The following NSMAF variants were observed in gnomAD, a reference collection of about 807,000 sequenced individuals.
The protein encoded by NSMAF is protein FAN.
In NSMAF, 90 loss-of-function variants were observed where a neutral mutation model predicts 134.9. That is an observed-to-expected ratio of 0.67 (90% confidence interval 0.56 to 0.79). The LOEUF (loss-of-function observed/expected upper bound fraction) is 0.79, where lower values mean the gene tolerates loss of function less well. Among genes scored for constraint, NSMAF ranks in the 30% least tolerant of loss-of-function variants. The pLI, the probability that NSMAF is intolerant of heterozygous loss-of-function variation, is 0.00. For missense variants in NSMAF, 1,010 were observed against 1,119.0 expected (o/e 0.90, Z 1.39); for synonymous variants, 358 against 389.6 (o/e 0.92, Z 0.96).
At position 58,640,710 on chromosome 8, in the gene NSMAF, G is replaced by A. The variant is rs560968894; in HGVS notation, c.149+2274C>T. Among the ~76,000 whole-genome samples the A allele has an allele frequency of 4.6e-5, 7 of 151,870 alleles. No individual in the cohort carries two copies. In the East Asian group the frequency reaches 1.2e-3, roughly 25 times the overall value. On this transcript the variant is annotated intron_variant, in intron 2 of 30. Transcript: ENST00000038176. ...TTATAATTAAATTCATTTGTTTCTT[G>A]TCTTTTCTTTTTTTAATATATAATT...
rs1346751320 is a variant in NSMAF at position 58,597,419 on chromosome 8, G to C, written c.1760C>G (p.Ser587Cys). Residue 587 changes from serine to cysteine, a missense_variant, in exon 21 of 31, where the codon TCC becomes TGC. Physicochemically the swap from Ser to Cys is moderately radical, Grantham distance 112 (BLOSUM62 -1). Coordinates refer to ENST00000038176, the MANE Select transcript of NSMAF (RefSeq NM_003580.4). ...ATCTGCCATAGAAGCATTATAACTG[G>C]AGGTCTGGGACAAACTTTTAAACTT... The part of the protein sequence containing the change: ...TPKFKSLSQT[S>C]SYNASMADSP... The C allele has an allele frequency of 1.1e-5, 18 of 1,614,014 alleles. No homozygotes were observed. Among genetic ancestry groups the C allele is most frequent in the Non-Finnish European group, 1.5e-5 (18 of 1,180,008 alleles).
chr8:58,605,896 A>AG lies in NSMAF; in HGVS notation c.868+30dup, dbSNP rs1554574326. On this transcript the variant is annotated intron_variant, in intron 12 of 30. Transcript: ENST00000038176. ...CTCAGCCTCCAAAAAAAAAAAAAAA[A>AG]GAAAGAAACAATGAAGGGTGAGCGC... 2.6e-6 allele frequency: 4 copies of AG among 1,514,492 alleles called. No homozygotes were observed. The South Asian group carries it at 4.0e-5, about 15-fold the overall frequency. The allele number at this position is 1,514,492 out of a possible 1,614,324, so 93.8% of individuals were successfully genotyped here.
Position 58,659,542 on chromosome 8 carries a change from C to T in NSMAF, c.59+31G>A, listed in dbSNP as rs1220532489. 19 of 1,523,160 alleles carry T rather than the reference C, an allele frequency of 1.2e-5. No homozygotes were observed. In the South Asian group the frequency reaches 1.7e-4, roughly 14 times the overall value. 94.4% of individuals were successfully genotyped at this position (1,523,160 alleles called of 1,614,324 possible). The stretch of plus-strand genomic sequence containing the variant: ...CCACGACCGGCCCCGACTAGGCCCC[C>T]GGCTGGGCCCTTCTTCAGCTGGGCG... On this transcript the variant is annotated intron_variant, in intron 1 of 30. Transcript: ENST00000038176.
intron 14 of NSMAF, 24 bp from the exon 15 acceptor site, chr8:58,601,559 A>AAAT: frequency 1.3e-6 from 2 of 1,575,974 alleles, no homozygotes; most frequent in Admixed American, 2.1e-5. Flanking sequence ...AAAAAAAAAA[A>AAAT]ATAGAGCTAA....
Position 58,605,918 on chromosome 8 carries a change from G to A in NSMAF, c.868+9C>T, listed in dbSNP as rs190345735. The A allele has an allele frequency of 4.3e-5, 67 of 1,546,600 alleles. No homozygotes were observed. In the East Asian group the frequency reaches 1.4e-3, roughly 31 times the overall value. On this transcript the variant is annotated intron_variant, in intron 12 of 30. Transcript: ENST00000038176. ...AAAAGAAAGAAACAATGAAGGGTGA[G>A]CGCCAAACCTAGGTATGTGGCAATG...
intron 1 of NSMAF, 196 bp downstream of exon 1, chr8:58,659,377 A>G: frequency 1.3e-6 from 2 of 1,520,392 alleles, no homozygotes; most frequent in South Asian, 1.2e-5. Flanking sequence ...GCTCCGGCCC[A>G]GACCAGGCCC....
In NSMAF at chr8:58,624,512, C is replaced by T. The variant is rs1585749241; in HGVS notation, c.385-732G>A. Among the ~76,000 whole-genome samples the T allele has an allele frequency of 2.0e-5, 3 of 150,332 alleles. No individual in the cohort carries two copies. The South Asian group carries it at 6.3e-4, about 31-fold the overall frequency. ...TTTTCTCTTTTTTTTTTTCTTTGAC[C>T]CATTGGTTTTTTGAGAGAATGTTGT... On this transcript the variant is annotated intron_variant, in intron 6 of 30. Transcript: ENST00000038176.
intron 25 of NSMAF, 22 bp downstream of exon 25, chr8:58,589,985 A>G: frequency 6.2e-7 from 1 of 1,604,112 alleles, no homozygotes; most frequent in Non-Finnish European, 8.5e-7. Flanking sequence ...CGAATCACAG[A>G]GCAGGGTGCA....
rs74999856 is a variant in NSMAF, at chr8:58,629,457, A to G, written c.384+2039T>C. ...CTTCATGCATAATTTTCCTGAGCTCATTAAGCATCTTTATGACAATAGTTT... is the reference window on the plus strand; with the variant it reads ...CTTCATGCATAATTTTCCTGAGCTCGTTAAGCATCTTTATGACAATAGTTT... On this transcript the variant is annotated intron_variant, in intron 6 of 30. Coordinates refer to ENST00000038176, the MANE Select transcript of NSMAF (RefSeq NM_003580.4). Among the ~76,000 whole-genome samples, 2,450 of 152,266 alleles carry G rather than the reference A, an allele frequency of 0.016. 185 individuals carry two copies. The East Asian group carries it at 0.23, about 15-fold the overall frequency.
chr8:58,648,505 T>C (rs1400971506), intron 1 of NSMAF, among the ~76,000 whole-genome samples: 1 of 152,144 alleles, frequency 6.6e-6, no homozygotes, highest in Non-Finnish European at 1.5e-5. Flanking sequence ...AGGGCTAATA[T>C]CCAAAACAAT....
intron 1 of NSMAF, chr8:58,659,252 C>T: frequency 6.6e-7 from 1 of 1,507,312 alleles, no homozygotes; most frequent in Non-Finnish European, 8.8e-7. Flanking sequence ...CCCCGCGCGG[C>T]CTTCCGGGTG....
At chr8:58,631,404 A>T (rs1383122203) in intron 6 of NSMAF, 92 bp downstream of exon 6, 3 of 669,034 alleles carry the variant, frequency 4.5e-6, no homozygotes, top group Non-Finnish European at 7.4e-6. Flanking sequence ...CATTATTATT[A>T]TATTTGATTA....
At chr8:58,588,321 A>T in intron 26 of NSMAF, 1 of 728,708 alleles carries the variant, frequency 1.4e-6, no homozygotes, top group Non-Finnish European at 2.4e-6. Flanking sequence ...TCCTCACTTT[A>T]ACTTGACATT....
chr8:58,659,087 C>G, intron 1 of NSMAF: 2 of 833,352 alleles, frequency 2.4e-6, no homozygotes, highest in South Asian at 2.0e-5. Context: ...TGGTCGCCGG[C>G]CTGCTCGGTG....
chr8:58,635,637 A>G (rs1373014991), intron 2 of NSMAF, 91 bp from the exon 3 acceptor site: 11 of 748,692 alleles, frequency 1.5e-5, no homozygotes, highest in Non-Finnish European at 2.2e-6. Context: ...CAGGTTACTA[A>G]AGCATCACAT....
At chr8:58,638,499 C>G (rs1807255333) in intron 2 of NSMAF, among the ~76,000 whole-genome samples, 1 of 152,046 alleles carries the variant, frequency 6.6e-6, no homozygotes, top group African/African-American at 2.4e-5. Context: ...ACTAATCATC[C>G]ACAAAGGTGC....
chr8:58,599,354 TCCTCGGGA>T lies in NSMAF; in HGVS notation c.1455_1462del (p.Ser485ArgfsTer17), dbSNP rs1563526877. The stretch of plus-strand genomic sequence containing the variant: ...TGCATCTTTGCTCTTCTGGAGAAAG[TCCTCGGGA>T]CCTATTAGATTAGACTCAATCGAAA... On this transcript the variant is annotated frameshift_variant and splice_region_variant, in exon 19 of 31. Transcript: ENST00000038176. LOFTEE classifies it high-confidence loss of function. 6.2e-7 allele frequency: 1 copy of T among 1,613,852 alleles called. No individual in the cohort carries two copies. Among genetic ancestry groups the T allele is most frequent in the African/African-American group, 1.3e-5 (1 of 75,034 alleles).
chr8:58,635,169 A>G lies in NSMAF; in HGVS notation c.333+20T>C. 6.3e-7 allele frequency: 1 copy of G among 1,594,490 alleles called. No individual in the cohort carries two copies. The highest frequency in any genetic ancestry group is 1.3e-5 in the African/African-American group (1 of 74,468). ...AGAATGTTCATTCAGATTAGGAAAA[A>G]ATATTTATTATGTGCTTACCTGACT... On this transcript the variant is annotated intron_variant, in intron 5 of 30. Transcript: ENST00000038176.
intron 1 of NSMAF, among the ~76,000 whole-genome samples, chr8:58,645,974 G>A (rs1013061858): frequency 6.6e-6 from 1 of 152,178 alleles, no homozygotes; most frequent in African/African-American, 2.4e-5. Flanking sequence ...CTGGGAAGTA[G>A]AGGTTGCAGT....
Sources: gnomAD v4.1 joint callset for allele counts (sites outside exome capture counted in the v4.1 genomes callset) on GRCh38, gnomAD v4.1.1 for gene constraint, MANE v1.5 for transcripts, NCBI Gene and HGNC (gene_info 2026-07-23, HGNC 2026-07-21) for gene names.